Variants in LPIN3 observed in about 807,000 individuals in gnomAD.
LPIN3 encodes lipin 3, also known as phosphatidate phosphatase LPIN3.
Under a neutral mutation model 94.7 loss-of-function variants are expected in LPIN3, and 82 were observed. The ratio of observed to expected loss-of-function variants is 0.87; its 90% CI spans 0.72 to 1.04. LPIN3 has a LOEUF of 1.04. Among genes scored for constraint, LPIN3 ranks in the 50% least tolerant of loss-of-function variants. LPIN3 has a pLI of 0.00. For synonymous variants in LPIN3, 418 were observed against 443.3 expected (o/e 0.94, Z 0.72); for missense variants, 996 against 1,090.5 (o/e 0.91, Z 1.22).
chr20:41,354,619 CTGCCAT>C lies in LPIN3; in HGVS notation c.1528-25_1528-20del. The C allele has an allele frequency of 6.5e-7, 1 of 1,543,734 alleles. No individual in the cohort carries two copies. Among genetic ancestry groups the C allele is most frequent in the Non-Finnish European group, 8.8e-7 (1 of 1,142,032 alleles). On this transcript the variant is annotated intron_variant, in intron 11 of 19. Transcript: ENST00000373257. ...GGAGGTTTATGTGGTGCAGGAAACACTGCCATGGCTTTCATCTGCCCACAGAGCACC... is the reference window on the plus strand; with the variant it reads ...GGAGGTTTATGTGGTGCAGGAAACACGGCTTTCATCTGCCCACAGAGCACC...
chr20:41,346,036 G>T (rs771588289), intron 2 of LPIN3, 41 bp downstream of exon 2: 5 of 1,583,466 alleles, frequency 3.2e-6, no homozygotes, highest in Non-Finnish European at 4.3e-6. Context: ...TGCAGAGTGG[G>T]CTTTTTAAGC....
Position 41,354,754 on chromosome 20 carries a change from G to GAGGGCC in LPIN3, c.1620+32_1620+37dup, listed in dbSNP as rs1569006971. On this transcript the variant is annotated intron_variant, in intron 12 of 19. Coordinates refer to ENST00000373257, the MANE Select transcript of LPIN3 (RefSeq NM_022896.3). ...GCCGAGGAGGTGGGTGGTCACAGTC[G>GAGGGCC]AGGGCCAGGGCCAGGGCCAGCACAG... The GAGGGCC allele has an allele frequency of 8.1e-6, 13 of 1,608,194 alleles. No individual in the cohort carries two copies. Among genetic ancestry groups the GAGGGCC allele is most frequent in the East Asian group, 2.2e-5 (1 of 44,760 alleles).
intron 1 of LPIN3, among the ~76,000 whole-genome samples, chr20:41,344,036 T>G (rs2045679565): frequency 6.6e-6 from 1 of 151,142 alleles, no homozygotes; most frequent in Admixed American, 6.6e-5. Context: ...CACACCAGCC[T>G]GGGTAACAGA....
chr20:41,350,057 G>A lies in LPIN3; in HGVS notation c.762G>A (p.Val254=). 1 of 1,593,728 alleles carries A rather than the reference G, an allele frequency of 6.3e-7. No homozygotes were observed. The highest frequency in any genetic ancestry group is 8.6e-7 in the Non-Finnish European group (1 of 1,167,982). The change falls in exon 7 of 20, where the codon GTG becomes GTA. Residue 254 remains valine, a splice_region_variant and synonymous_variant. Coordinates refer to ENST00000373257, the MANE Select transcript of LPIN3 (RefSeq NM_022896.3). ...MQWAWGRLPK[V]ARAERPESSV... is the part of the protein sequence containing the mutation. ...TTCCTCCATTTGTTCCACTAAAGGT[G>A]GCCAGAGCTGAGCGGCCCGAGTCCT...
chr20:41,349,919 G>A, intron 6 of LPIN3, 25 bp downstream of exon 6: 1 of 1,599,660 alleles, frequency 6.3e-7, no homozygotes. Flanking sequence ...ATCAACCCCA[G>A]GCCCGGCCTT....
At chr20:41,346,293 C>T (rs892465290) in intron 2 of LPIN3, among the ~76,000 whole-genome samples, 1 of 152,232 alleles carries the variant, frequency 6.6e-6, no homozygotes, top group Non-Finnish European at 1.5e-5. Flanking sequence ...TGGTAAGTCA[C>T]TTCATGCCTC....
At chr20:41,353,138 G>C (rs1600731429) in intron 11 of LPIN3, among the ~76,000 whole-genome samples, 1 of 152,228 alleles carries the variant, frequency 6.6e-6, no homozygotes, top group African/African-American at 2.4e-5. Context: ...AAATCCAACA[G>C]ATGCTTAAAC....
At chr20:41,355,780 G>T in intron 13 of LPIN3, 116 bp from the exon 14 acceptor site, 1 of 1,358,122 alleles carries the variant, frequency 7.4e-7, no homozygotes, top group African/African-American at 1.4e-5. Context: ...AGGGATCACT[G>T]ATACCCTGGG....
At chr20:41,348,994 A>G in intron 4 of LPIN3, 98 bp from the exon 5 acceptor site, 1 of 1,577,372 alleles carries the variant, frequency 6.3e-7, no homozygotes, top group Non-Finnish European at 8.7e-7. Flanking sequence ...TCTGAGCAGT[A>G]GTTGCTTCAC....
At chr20:41,343,134 C>T (rs2045649255) in intron 1 of LPIN3, among the ~76,000 whole-genome samples, 1 of 152,112 alleles carries the variant, frequency 6.6e-6, no homozygotes, top group Admixed American at 6.5e-5. Flanking sequence ...GTGCACCCAC[C>T]CACCCCCCAG....
intron 9 of LPIN3, 50 bp from the exon 10 acceptor site, chr20:41,352,556 G>C (rs568765027): frequency 1.1e-5 from 17 of 1,509,592 alleles, no homozygotes; most frequent in Non-Finnish European, 1.5e-5. Flanking sequence ...TGGGGCAGCG[G>C]GTCACATGGG....
chr20:41,356,025 C>G lies in LPIN3; in HGVS notation c.1794C>G (p.Ser598=), dbSNP rs144105867. 1.4e-4 allele frequency: 233 copies of G among 1,613,782 alleles called. No homozygotes were observed. Among genetic ancestry groups the G allele is most frequent in the Non-Finnish European group, 1.8e-4 (214 of 1,179,828 alleles). The change falls in exon 14 of 20, where the codon TCC becomes TCG. Residue 598 remains serine (S), a synonymous_variant. Transcript: ENST00000373257. ...PTYKKSLRLS[S]DQIRRLNLQE... ...ACAAGAAGTCCCTCCGCCTCTCCTC[C>G]GATCAGATCGTAAGTGTGGGTTGTC...
chr20:41,354,176 T>C (rs968073454), intron 11 of LPIN3, among the ~76,000 whole-genome samples: 3 of 152,104 alleles, frequency 2.0e-5, no homozygotes, highest in Non-Finnish European at 2.9e-5. Flanking sequence ...TATGGTAACA[T>C]ACAGAAAAGG....
At chr20:41,357,302 G>A in intron 15 of LPIN3, 59 bp from the exon 16 acceptor site, 1 of 1,602,264 alleles carries the variant, frequency 6.2e-7, no homozygotes, top group Admixed American at 1.7e-5. Flanking sequence ...GGGCCATCCT[G>A]GGGCTGGAGC....
Position 41,350,202 on chromosome 20 carries a change from G to T in LPIN3, c.907G>T (p.Ala303Ser), listed in dbSNP as rs1304818834. ...PLGLPIQQTE[A>S]GADLQPDTED... ...GGGACTCCCAATCCAGCAAACAGAG[G>T]CTGGTGCCGACCTTCAGCCTGACAC... The change falls in exon 7 of 20, where the codon GCT (alanine) becomes TCT (serine). Residue 303 changes from alanine (A) to serine (S), a missense_variant. Transcript: ENST00000373257. 6.2e-7 allele frequency: 1 copy of T among 1,613,562 alleles called. No individual in the cohort carries two copies. Among genetic ancestry groups the T allele is most frequent in the Admixed American group, 1.7e-5 (1 of 60,022 alleles).
In LPIN3 at chr20:41,349,902, C is replaced by T. The variant is rs778376842; in HGVS notation, c.759+8C>T. ...TGGGGGAGGCTGCCTAAGGTGAGTCCCTCTGTATCAACCCCAGGCCCGGCC... is the reference window on the plus strand; with the variant it reads ...TGGGGGAGGCTGCCTAAGGTGAGTCTCTCTGTATCAACCCCAGGCCCGGCC... On this transcript the variant is annotated splice_region_variant and intron_variant, in intron 6 of 19. Coordinates refer to ENST00000373257, the MANE Select transcript of LPIN3 (RefSeq NM_022896.3). The T allele has an allele frequency of 5.6e-6, 9 of 1,610,426 alleles. No individual in the cohort carries two copies. In the Admixed American group the frequency reaches 1.3e-4, roughly 24 times the overall value.
rs183296181 is a variant in LPIN3, at chr20:41,342,768, A to C, written c.-9+1766A>C. ...GAGCAGGCAGATGTGGGGGACATCC[A>C]TTGGTGAAGTGGGGGGAACAGAGAG... On this transcript the variant is annotated intron_variant, in intron 1 of 19. Transcript: ENST00000373257. Among the ~76,000 whole-genome samples the C allele has an allele frequency of 3.0e-4, 46 of 152,272 alleles. No individual in the cohort carries two copies. In the East Asian group the frequency reaches 8.9e-3, roughly 29 times the overall value.
intron 11 of LPIN3, among the ~76,000 whole-genome samples, chr20:41,353,811 G>A (rs1456333884): frequency 6.6e-6 from 1 of 152,226 alleles, no homozygotes; most frequent in Non-Finnish European, 1.5e-5. Flanking sequence ...GATGTTGACA[G>A]CTGTCACTGC....
intron 3 of LPIN3, among the ~76,000 whole-genome samples, chr20:41,348,026 C>T (rs182423024): frequency 2.6e-5 from 4 of 152,206 alleles, no homozygotes; most frequent in Admixed American, 2.0e-4. Flanking sequence ...GTGCCAGCTC[C>T]GTGTGGCTGG....
Sources: gnomAD v4.1 joint callset for allele counts (sites outside exome capture counted in the v4.1 genomes callset) on GRCh38, gnomAD v4.1.1 for gene constraint, MANE v1.5 for transcripts, NCBI Gene and HGNC (gene_info 2026-07-23, HGNC 2026-07-21) for gene names.